Variants in PSD3 observed in about 807,000 individuals in gnomAD.
PSD3 encodes the protein PH and SEC7 domain-containing protein 3.
Under a neutral mutation model 105.5 loss-of-function variants are expected in PSD3, and 49 were observed. The observed-to-expected ratio is 0.46, with a 90% CI of 0.37 to 0.59. The LOEUF is 0.59. Ranked by LOEUF, PSD3 falls within the 20% of genes least tolerant of loss-of-function variation. PSD3 has a pLI of 0.00. For synonymous variants in PSD3, 557 were observed against 457.8 expected (o/e 1.22, Z -2.77); for missense variants, 1,561 against 1,263.8 (o/e 1.24, Z -3.57).
chr8:18,735,684 G>C (rs1353052078), intron 9 of PSD3, among the ~76,000 whole-genome samples: 1 of 152,016 alleles, frequency 6.6e-6, no homozygotes, highest in Admixed American at 6.6e-5. Context: ...ATCAGACAAG[G>C]ACTAAGAAAT....
At chr8:18,874,773 T>A (rs994458988) in intron 2 of PSD3, among the ~76,000 whole-genome samples, 1 of 151,694 alleles carries the variant, frequency 6.6e-6, no homozygotes, top group African/African-American at 2.4e-5. Flanking sequence ...TAATAACTGA[T>A]AATTATTAAT....
At chr8:18,630,907 G>A (rs1375210020) in intron 11 of PSD3, among the ~76,000 whole-genome samples, 1 of 151,652 alleles carries the variant, frequency 6.6e-6, no homozygotes, top group East Asian at 1.9e-4. Context: ...TATATGGGAG[G>A]ATATGCATCA....
intron 8 of PSD3, among the ~76,000 whole-genome samples, chr8:18,788,877 T>C (rs1330760417): frequency 6.6e-6 from 1 of 152,200 alleles, no homozygotes; most frequent in Non-Finnish European, 1.5e-5. Flanking sequence ...ATAAGTTTGA[T>C]TATGTCATGC....
intron 8 of PSD3, among the ~76,000 whole-genome samples, chr8:18,797,460 T>C (rs1450824192): frequency 6.6e-6 from 1 of 152,174 alleles, no homozygotes; most frequent in African/African-American, 2.4e-5. Context: ...TCATCTAATC[T>C]CCTTACAATT....
chr8:18,971,430 C>T (rs1246766387), intron 1 of PSD3, among the ~76,000 whole-genome samples: 1 of 152,222 alleles, frequency 6.6e-6, no homozygotes, highest in Non-Finnish European at 1.5e-5. Context: ...ACCCCATCAA[C>T]TGGCCTAGCT....
At chr8:18,594,195 C>CATATTATATAATATATATTATTATAT (rs1554519001) in intron 12 of PSD3, among the ~76,000 whole-genome samples, 2 of 11,756 alleles carry the variant, frequency 1.7e-4, no homozygotes, top group South Asian at 1.8e-3. Flanking sequence ...TTATTATATA[C>CATATTATATAATATATATTATTATAT]ATATTATATA....
chr8:18,842,641 G>A (rs1814729113), intron 4 of PSD3, among the ~76,000 whole-genome samples: 1 of 152,100 alleles, frequency 6.6e-6, no homozygotes, highest in Non-Finnish European at 1.5e-5. Context: ...GCTGAGGCAG[G>A]AGAATGGCGT....
chr8:18,547,155 G>A (rs1159535554), intron 15 of PSD3, among the ~76,000 whole-genome samples: 1 of 152,162 alleles, frequency 6.6e-6, no homozygotes, highest in African/African-American at 2.4e-5. Context: ...TGGAATGACG[G>A]TGGAGACCCA....
Position 18,800,013 on chromosome 8 carries a change from G to A in PSD3, c.2024-660C>T, listed in dbSNP as rs540213676. On this transcript the variant is annotated intron_variant, in intron 7 of 15. Transcript: ENST00000327040. ...GTATAGTAGGTGATTTCTGTTATCA[G>A]TGTCTCTAAATAGACACTACCAAAT... 3.2e-4 allele frequency among the ~76,000 whole-genome samples: 48 copies of A among 152,250 alleles called. 1 individual carries two copies. The highest frequency in any genetic ancestry group is 3.4e-3 in the Middle Eastern group (1 of 294).
rs556884348 is a variant in PSD3 at position 18,971,248 on chromosome 8, T to C, written c.22-35106A>G. On this transcript the variant is annotated intron_variant, in intron 1 of 15. Transcript: ENST00000327040. Reference sequence around the variant, plus strand: ...AAGGTTTGGGGAAGCTCCCTGTCTCTGGGAGGGCCGGACACCCAGGCTCAG... The same window carrying C: ...AAGGTTTGGGGAAGCTCCCTGTCTCCGGGAGGGCCGGACACCCAGGCTCAG... 5.9e-5 allele frequency among the ~76,000 whole-genome samples: 9 copies of C among 152,266 alleles called. No homozygotes were observed. The East Asian group carries it at 1.7e-3, about 30-fold the overall frequency.
intron 1 of PSD3, among the ~76,000 whole-genome samples, chr8:19,053,690 G>T (rs563297353): frequency 6.6e-6 from 1 of 152,144 alleles, no homozygotes; most frequent in East Asian, 1.9e-4. Flanking sequence ...TACTCAGGAG[G>T]CTGAGGCAGG....
At chr8:18,732,384 C>CA (rs746309173) in intron 9 of PSD3, among the ~76,000 whole-genome samples, 135 of 152,314 alleles carry the variant, frequency 8.9e-4, no homozygotes, top group Non-Finnish European at 1.2e-3. Context: ...CAAGCTACCC[C>CA]AAAAGCGAGG....
At chr8:18,568,085 C>T (rs915294090) in intron 14 of PSD3, among the ~76,000 whole-genome samples, 11 of 152,258 alleles carry the variant, frequency 7.2e-5, no homozygotes, top group Non-Finnish European at 1.3e-4. Context: ...TTTGATGCTT[C>T]CTGAGATTCT....
intron 1 of PSD3, among the ~76,000 whole-genome samples, chr8:19,007,433 T>G (rs920537893): frequency 7.2e-5 from 11 of 152,186 alleles, no homozygotes; most frequent in Non-Finnish European, 1.3e-4. Context: ...CTAGCCACAT[T>G]TCACATGCTT....
In PSD3 at chr8:19,060,637, C is replaced by G. The variant is rs544398611; in HGVS notation, c.324+23569G>C. Among the ~76,000 whole-genome samples the G allele has an allele frequency of 5.3e-5, 8 of 152,178 alleles. No individual in the cohort carries two copies. In the East Asian group the frequency reaches 1.5e-3, roughly 29 times the overall value. ...CAACAGAGTGAGACCCCATCTCAAA[C>G]AACAACAACAACAGCAACAAATGTC... On this transcript the variant is annotated intron_variant, in intron 1 of 1. Coordinates refer to the PSD3 transcript ENST00000521475.
rs60102889 is a variant in PSD3, at chr8:18,892,175, TCACACA to T, written c.131-19448_131-19443del. On this transcript the variant is annotated intron_variant, in intron 2 of 15. Transcript: ENST00000327040. ...ATTGTTTGCTGTCACTTACTTACAA[TCACACA>T]CACACACACACAAACTTTATTTTCT... Among the ~76,000 whole-genome samples the T allele has an allele frequency of 2.0e-5, 3 of 149,864 alleles. No homozygotes were observed. In the East Asian group the frequency reaches 5.9e-4, roughly 29 times the overall value.
intron 8 of PSD3, chr8:18,774,570 G>T: frequency 3.0e-6 from 1 of 333,866 alleles, no homozygotes; most frequent in Admixed American, 3.9e-5. Flanking sequence ...TCTTACTTCT[G>T]TCGTTGGTAC....
At chr8:18,808,483 C>T (rs1811398155) in intron 4 of PSD3, among the ~76,000 whole-genome samples, 1 of 152,180 alleles carries the variant, frequency 6.6e-6, no homozygotes, top group African/African-American at 2.4e-5. Context: ...ATATTTGCCC[C>T]TTTTCTACTA....
chr8:19,044,030 G>A (rs942182953), intron 1 of PSD3, among the ~76,000 whole-genome samples: 31 of 152,136 alleles, frequency 2.0e-4, no homozygotes, highest in Non-Finnish European at 4.0e-4. Flanking sequence ...TCAGGACTGT[G>A]CTCTGCCTGC....
Sources: allele counts gnomAD v4.1 joint callset (sites outside exome capture counted in the v4.1 genomes callset), GRCh38; gene constraint gnomAD v4.1.1; transcripts MANE v1.5; gene names NCBI Gene and HGNC (gene_info 2026-07-23, HGNC 2026-07-21).